SGCD: variants seen among roughly 807,000 people sequenced by gnomAD.
SGCD encodes delta-sarcoglycan.
A neutral mutation model predicts 36.6 loss-of-function variants in SGCD; 18 were observed. That is an observed-to-expected ratio of 0.49 (90% CI 0.34 to 0.73). The LOEUF (loss-of-function observed/expected upper bound fraction) is 0.73, where lower values mean the gene tolerates loss of function less well. Among genes scored for constraint, SGCD ranks in the 30% least tolerant of loss-of-function variants. SGCD has a pLI of 0.01. For missense variants in SGCD, 387 were observed against 346.7 expected (o/e 1.12, Z -0.92); for synonymous variants, 133 against 130.6 (o/e 1.02, Z -0.12).
At chr5:156,307,041 C>CTTTTTTTTT (rs71577193) in intron 3 of SGCD, among the ~76,000 whole-genome samples, 1 of 124,528 alleles carries the variant, frequency 8.0e-6, no homozygotes, top group Non-Finnish European at 1.7e-5. Context: ...TATAAGTTTT[C>CTTTTTTTTT]TTTTTTTTTT....
At chr5:155,909,775 T>A (rs1756594440) in intron 1 of SGCD, among the ~76,000 whole-genome samples, 1 of 152,144 alleles carries the variant, frequency 6.6e-6, no homozygotes, top group South Asian at 2.1e-4. Flanking sequence ...TTCTTACTGG[T>A]GTTGGACACA....
intron 1 of SGCD, among the ~76,000 whole-genome samples, chr5:156,105,428 A>G (rs1379442382): frequency 6.6e-6 from 1 of 152,198 alleles, no homozygotes; most frequent in Non-Finnish European, 1.5e-5. Flanking sequence ...TTTAATGGGC[A>G]AGTAAATAAT....
At chr5:156,229,295 T>TATATATATATATATATATATATATATAC (rs1764950629) in intron 3 of SGCD, among the ~76,000 whole-genome samples, 1 of 125,870 alleles carries the variant, frequency 7.9e-6, no homozygotes, top group Non-Finnish European at 1.6e-5. Context: ...TATATATATA[T>TATATATATATATATATATATATATATAC]ATATAAAATT....
intron 6 of SGCD, among the ~76,000 whole-genome samples, chr5:156,608,528 G>C (rs1007583858): frequency 3.9e-5 from 6 of 152,332 alleles, no homozygotes; most frequent in African/African-American, 2.4e-5. Flanking sequence ...CTGTTGATTT[G>C]GGGTGGAGAG....
At chr5:156,728,670 C>T (rs531427748) in intron 7 of SGCD, among the ~76,000 whole-genome samples, 1 of 151,934 alleles carries the variant, frequency 6.6e-6, no homozygotes, top group East Asian at 1.9e-4. Context: ...TTATTTATTT[C>T]TTAGCCAAAA....
chr5:156,116,254 A>G (rs945320962), intron 1 of SGCD, among the ~76,000 whole-genome samples: 10 of 152,026 alleles, frequency 6.6e-5, no homozygotes, highest in Admixed American at 4.6e-4. Flanking sequence ...TTATGATCTC[A>G]TAGATTTAAA....
intron 3 of SGCD, among the ~76,000 whole-genome samples, chr5:156,188,055 G>T (rs1763804745): frequency 6.6e-6 from 1 of 152,172 alleles, no homozygotes; most frequent in Admixed American, 6.5e-5. Context: ...TCATGCTAGT[G>T]CAGGGGGGCC....
At position 156,327,206 on chromosome 5, in the gene SGCD, G is replaced by C. The variant is rs553465075; in HGVS notation, c.-70G>C. On this transcript the variant is annotated 5_prime_UTR_variant, in exon 1 of 9. Coordinates refer to ENST00000337851, the MANE Select transcript of SGCD (RefSeq NM_000337.6). ...CCTGGGATCGCGGGCGGTTTTCATC[G>C]GCCGGTTTGTGAAACGGACAAGAGA... 5 of 152,380 alleles carry C rather than the reference G, an allele frequency of 3.3e-5. No individual in the cohort carries two copies. Among genetic ancestry groups the C allele is most frequent in the Admixed American group, 2.0e-4 (3 of 15,294 alleles). The allele number at this position is 152,380 out of a possible 1,614,324, so 9.4% of individuals were successfully genotyped here.
At chr5:156,046,526 C>T (rs1759768944) in intron 1 of SGCD, among the ~76,000 whole-genome samples, 1 of 151,938 alleles carries the variant, frequency 6.6e-6, no homozygotes, top group Admixed American at 6.6e-5. Context: ...TTTAGTAATT[C>T]TTACAAATTT....
the SGCD span, among the ~76,000 whole-genome samples, chr5:155,730,375 A>G: frequency 1.3e-5 from 2 of 150,790 alleles, no homozygotes; most frequent in Non-Finnish European, 3.0e-5. Context: ...ATCCGCATTC[A>G]TGGGAGAAGC....
chr5:155,816,008 C>T, the SGCD span, among the ~76,000 whole-genome samples: 2 of 152,166 alleles, frequency 1.3e-5, no homozygotes, highest in Non-Finnish European at 2.9e-5. Context: ...AGCAAATATA[C>T]TGAGCTTTCC....
chr5:155,738,762 G>T, the SGCD span, among the ~76,000 whole-genome samples: 1 of 125,088 alleles, frequency 8.0e-6, no homozygotes, highest in African/African-American at 3.6e-5. Context: ...GTAAGAGAGT[G>T]TGAGAGTGTG....
At chr5:156,144,135 C>T (rs944134830) in intron 3 of SGCD, among the ~76,000 whole-genome samples, 14 of 151,938 alleles carry the variant, frequency 9.2e-5, no homozygotes, top group South Asian at 2.1e-4. Context: ...TCCAGTTTAT[C>T]GTTGTTGGAC....
At chr5:156,269,692 T>C (rs1766121155) in intron 3 of SGCD, among the ~76,000 whole-genome samples, 1 of 152,062 alleles carries the variant, frequency 6.6e-6, no homozygotes, top group Non-Finnish European at 1.5e-5. Context: ...TGCATGTCCA[T>C]TGCTCACTTT....
chr5:156,412,890 G>A (rs1273150440), intron 3 of SGCD, among the ~76,000 whole-genome samples: 1 of 151,220 alleles, frequency 6.6e-6, no homozygotes, highest in East Asian at 1.9e-4. Flanking sequence ...CTGCTTCCCG[G>A]GTTCACGCCA....
intron 7 of SGCD, among the ~76,000 whole-genome samples, chr5:156,727,679 G>T (rs1029773995): frequency 7.9e-6 from 1 of 126,722 alleles, no homozygotes; most frequent in African/African-American, 2.6e-5. Context: ...GTTTTTTTCT[G>T]TCTATCTTGG....
chr5:156,734,015 T>C (rs750077507), intron 7 of SGCD, among the ~76,000 whole-genome samples: 33 of 152,150 alleles, frequency 2.2e-4, no homozygotes, highest in Non-Finnish European at 4.6e-4. Context: ...TATATTGTCA[T>C]CAGTGTGTTT....
At chr5:156,074,558 T>C (rs537313287) in intron 1 of SGCD, among the ~76,000 whole-genome samples, 2 of 152,218 alleles carry the variant, frequency 1.3e-5, no homozygotes, top group Non-Finnish European at 2.9e-5. Context: ...GGCATGCCTG[T>C]AGTCCGAGCT....
chr5:155,838,979 C>A, the SGCD span, among the ~76,000 whole-genome samples: 1 of 152,046 alleles, frequency 6.6e-6, no homozygotes. Flanking sequence ...TGCTGTTTTT[C>A]TGAATAGGTT....
Sources: allele counts gnomAD v4.1 joint callset (sites outside exome capture counted in the v4.1 genomes callset), GRCh38; gene constraint gnomAD v4.1.1; transcripts MANE v1.5; gene names NCBI Gene and HGNC (gene_info 2026-07-23, HGNC 2026-07-21).